The following PTBP2 variants were observed in gnomAD, a reference collection of about 807,000 sequenced individuals.
PTBP2 encodes polypyrimidine tract binding protein 2, also known as polypyrimidine tract-binding protein 2.
A neutral mutation model predicts 61.4 loss-of-function variants in PTBP2; 13 were observed. That is an observed-to-expected ratio of 0.21 (90% confidence interval 0.14 to 0.34). The LOEUF (loss-of-function observed/expected upper bound fraction) is 0.34, where lower values mean the gene tolerates loss of function less well. Among genes scored for constraint, PTBP2 ranks in the 10% least tolerant of loss-of-function variants. The pLI is 1.00. For synonymous variants in PTBP2, 215 were observed against 218.5 expected, an observed-to-expected ratio of 0.98 and a Z score of 0.14; for missense variants, 405 against 642.6, an observed-to-expected ratio of 0.63 and a Z score of 4.00.
At chr1:96,766,886 C>A (rs1043793558) in intron 3 of PTBP2, among the ~76,000 whole-genome samples, 17 of 152,096 alleles carry the variant, frequency 1.1e-4, no homozygotes, top group African/African-American at 3.9e-4. Context: ...TTGAAGAGCA[C>A]AGACTATGGA....
chr1:96,813,226 C>A, intron 13 of PTBP2, 50 bp from the exon 14 acceptor site: 1 of 1,560,112 alleles, frequency 6.4e-7, no homozygotes, highest in South Asian at 1.2e-5. Context: ...ATTTAATAAG[C>A]CCTTTCTAAT....
At chr1:96,726,318 G>T (rs1650504755) in intron 2 of PTBP2, among the ~76,000 whole-genome samples, 1 of 148,800 alleles carries the variant, frequency 6.7e-6, no homozygotes, top group Non-Finnish European at 1.5e-5. Flanking sequence ...CTGTCATCAG[G>T]CTGGAGTGCA....
exon 14 of PTBP2, chr1:96,821,112 G>A (rs1662670759): frequency 6.6e-6 from 1 of 152,042 alleles, no homozygotes; most frequent in African/African-American, 2.4e-5. Flanking sequence ...TGTCTTTTCT[G>A]TCTTGTGTTA....
At chr1:96,778,013 A>G in intron 7 of PTBP2, 67 bp downstream of exon 7, 2 of 771,418 alleles carry the variant, frequency 2.6e-6, no homozygotes, top group Non-Finnish European at 4.1e-6. Context: ...ATATATATAT[A>G]TGTATGTATA....
chr1:96,740,466 T>G (rs376091854), intron 2 of PTBP2, among the ~76,000 whole-genome samples: 6 of 152,126 alleles, frequency 3.9e-5, no homozygotes, highest in African/African-American at 1.4e-4. Context: ...CATGAAATCC[T>G]CCAGTTAACT....
chr1:96,761,413 A>G (rs1655851921), intron 3 of PTBP2, among the ~76,000 whole-genome samples: 1 of 150,336 alleles, frequency 6.7e-6, no homozygotes, highest in Admixed American at 6.6e-5. Context: ...ACAGATTTAC[A>G]TTTTAGAAAG....
At chr1:96,759,183 A>G (rs2100951047) in intron 3 of PTBP2, among the ~76,000 whole-genome samples, 1 of 152,356 alleles carries the variant, frequency 6.6e-6, no homozygotes, top group South Asian at 2.1e-4. Flanking sequence ...TAGAAGGCTC[A>G]ATATGTTAAC....
At chr1:96,802,343 A>G (rs1042444709) in intron 8 of PTBP2, among the ~76,000 whole-genome samples, 1 of 152,112 alleles carries the variant, frequency 6.6e-6, no homozygotes, top group Non-Finnish European at 1.5e-5. Flanking sequence ...ACAAAGTTGA[A>G]GACAATTATA....
At position 96,742,353 on chromosome 1, in the gene PTBP2, C is replaced by G. The variant is rs142868826; in HGVS notation, c.40-9072C>G. ...TACTTGGACTAATATTTCAATATTTCTAAAATTATTGGTTTATTGAGTACG... is the reference window on the plus strand; with the variant it reads ...TACTTGGACTAATATTTCAATATTTGTAAAATTATTGGTTTATTGAGTACG... On this transcript the variant is annotated intron_variant, in intron 2 of 13. Transcript: ENST00000674951. Among the ~76,000 whole-genome samples the G allele has an allele frequency of 5.6e-4, 85 of 152,238 alleles. 1 individual carries two copies. Among genetic ancestry groups the G allele is most frequent in the Middle Eastern group, 3.4e-3 (1 of 294 alleles).
At chr1:96,817,890 C>A (rs1263733950), downstream of PTBP2, 1 of 151,996 alleles carries the variant, frequency 6.6e-6, no homozygotes, top group Non-Finnish European at 1.5e-5. Flanking sequence ...TTGTTCAAAA[C>A]ACACTTTATA....
intron 3 of PTBP2, among the ~76,000 whole-genome samples, chr1:96,767,932 C>G (rs114415885): frequency 6.6e-6 from 1 of 152,052 alleles, no homozygotes; most frequent in Non-Finnish European, 1.5e-5. Flanking sequence ...AGAGCTTACT[C>G]TTCTGTACAA....
chr1:96,818,139 T>C (rs1662551431), downstream of PTBP2: 1 of 152,106 alleles, frequency 6.6e-6, no homozygotes, highest in Admixed American at 6.6e-5. Context: ...TTTGCACTTC[T>C]CTCGCTTTTC....
chr1:96,729,686 T>G (rs775439152), intron 2 of PTBP2, among the ~76,000 whole-genome samples: 1 of 152,088 alleles, frequency 6.6e-6, no homozygotes, highest in African/African-American at 2.4e-5. Flanking sequence ...GTCCATTTCC[T>G]TTAAGTTGCT....
intron 5 of PTBP2, among the ~76,000 whole-genome samples, chr1:96,773,978 AAAG>A (rs1034880161): frequency 2.0e-5 from 3 of 150,898 alleles, no homozygotes; most frequent in Non-Finnish European, 4.4e-5. Flanking sequence ...AAAAAAAAAA[AAAG>A]AATTCCTGGT....
At chr1:96,733,201 T>TTGAA (rs1557687499) in intron 2 of PTBP2, among the ~76,000 whole-genome samples, 2 of 152,126 alleles carry the variant, frequency 1.3e-5, no homozygotes, top group African/African-American at 4.8e-5. Context: ...GTTAGCTTCA[T>TTGAA]CTTCAAAGAA....
At chr1:96,767,808 CA>C (rs1186938491) in intron 3 of PTBP2, among the ~76,000 whole-genome samples, 3 of 152,054 alleles carry the variant, frequency 2.0e-5, no homozygotes, top group Non-Finnish European at 4.4e-5. Flanking sequence ...TGTGCGCACA[CA>C]AATCTTTGTC....
intron 3 of PTBP2, among the ~76,000 whole-genome samples, chr1:96,763,067 C>G (rs892207654): frequency 6.6e-6 from 1 of 151,392 alleles, no homozygotes; most frequent in African/African-American, 2.4e-5. Context: ...GGATGGCGGC[C>G]GGGCAGAGAC....
chr1:96,723,139 C>T (rs1227157191), intron 1 of PTBP2, among the ~76,000 whole-genome samples: 1 of 151,482 alleles, frequency 6.6e-6, no homozygotes, highest in African/African-American at 2.4e-5. Context: ...TGAAACAAAT[C>T]CAGAGAAGTT....
chr1:96,743,533 G>A (rs1381190640), intron 2 of PTBP2, among the ~76,000 whole-genome samples: 1 of 151,894 alleles, frequency 6.6e-6, no homozygotes, highest in African/African-American at 2.4e-5. Context: ...ACTTTTATTA[G>A]GTATTGCAAA....
Sources: allele counts gnomAD v4.1 joint callset (sites outside exome capture counted in the v4.1 genomes callset), GRCh38; gene constraint gnomAD v4.1.1; transcripts MANE v1.5; gene names NCBI Gene and HGNC (gene_info 2026-07-23, HGNC 2026-07-21).